Variants in TPTE2 observed in about 807,000 individuals in gnomAD.
TPTE2 encodes the protein transmembrane phosphoinositide 3-phosphatase and tensin homolog 2.
A neutral mutation model predicts 78.6 loss-of-function variants in TPTE2; 53 were observed. The ratio of observed to expected loss-of-function variants is 0.67; its 90% CI spans 0.54 to 0.85. The LOEUF is 0.85. Ranked by LOEUF, TPTE2 falls within the 40% of genes least tolerant of loss-of-function variation. The probability of loss-of-function intolerance (pLI) is 0.00; values close to 1 mark genes in which losing one functional copy is unlikely to be tolerated. For missense variants in TPTE2, 461 were observed against 623.0 expected, an observed-to-expected ratio of 0.74 and a Z score of 2.77; for synonymous variants, 175 against 206.2, an observed-to-expected ratio of 0.85 and a Z score of 1.30.
At chr13:19,461,022 G>A (rs1878855842) in intron 10 of TPTE2, among the ~76,000 whole-genome samples, 1 of 150,284 alleles carries the variant, frequency 6.7e-6, no homozygotes, top group African/African-American at 2.5e-5. Context: ...AAGAGTTGGA[G>A]TTTATTTTCT....
chr13:19,544,060 C>CAAAAAAAAAAA, the TPTE2 span, among the ~76,000 whole-genome samples: 13 of 31,984 alleles, frequency 4.1e-4, 1 homozygote, highest in Admixed American at 6.6e-4. Context: ...GAACCTGTCT[C>CAAAAAAAAAAA]AAAAAAAAAA....
intron 1 of TPTE2, among the ~76,000 whole-genome samples, chr13:19,509,905 G>A (rs1236990061): frequency 6.6e-6 from 1 of 152,154 alleles, no homozygotes; most frequent in African/African-American, 2.4e-5. Context: ...CTACCATTGG[G>A]AGAAAAATGA....
chr13:19,436,084 G>A, intron 15 of TPTE2, 142 bp downstream of exon 18: 1 of 640,988 alleles, frequency 1.6e-6, no homozygotes, highest in East Asian at 2.9e-5. Flanking sequence ...CAGACTCAGG[G>A]AGGGACCAAG....
At chr13:19,468,923 C>T (rs1488378684) in intron 6 of TPTE2, among the ~76,000 whole-genome samples, 1 of 152,162 alleles carries the variant, frequency 6.6e-6, no homozygotes, top group Admixed American at 6.5e-5. Flanking sequence ...GGTTATTAAT[C>T]CCTTTTCAGA....
At chr13:19,457,614 C>A (rs1205181969) in intron 10 of TPTE2, among the ~76,000 whole-genome samples, 1 of 151,642 alleles carries the variant, frequency 6.6e-6, no homozygotes, top group Non-Finnish European at 1.5e-5. Flanking sequence ...TAAGTGAGAA[C>A]ATGCGATGTT....
At chr13:19,547,427 G>A in the TPTE2 span, among the ~76,000 whole-genome samples, 6 of 152,168 alleles carry the variant, frequency 3.9e-5, no homozygotes, top group Non-Finnish European at 7.4e-5. Flanking sequence ...TTACATAATC[G>A]GTTGGAGTGG....
intron 1 of TPTE2, among the ~76,000 whole-genome samples, chr13:19,522,359 G>A (rs76213048): frequency 0.025 from 3,857 of 152,222 alleles, 130 homozygotes; most frequent in African/African-American, 0.074. Flanking sequence ...TATAGGCTGA[G>A]GTTGCTAACA....
chr13:19,535,664 A>G lies in TPTE2; in HGVS notation c.-44+932T>C, dbSNP rs1871175101. ...TTTATTTATTTTGAGACGGAGTCTCACTCTGTCACCAGGCTGGAGTGCAAT... is the reference window on the plus strand; with the variant it reads ...TTTATTTATTTTGAGACGGAGTCTCGCTCTGTCACCAGGCTGGAGTGCAAT... On this transcript the variant is annotated intron_variant, in intron 1 of 17. Coordinates refer to the TPTE2 transcript ENST00000390680. This position sits in a 1 kb window ranked among gnomAD's most constrained non-coding sequence, Gnocchi z 5.1. Among the ~76,000 whole-genome samples the G allele has an allele frequency of 1.8e-5, 1 of 56,646 alleles. No individual in the cohort carries two copies. 37.2% of individuals were successfully genotyped at this position (56,646 alleles called of 152,430 possible).
intron 3 of TPTE2, among the ~76,000 whole-genome samples, chr13:19,487,992 G>A (rs974983818): frequency 3.9e-5 from 6 of 152,200 alleles, no homozygotes; most frequent in African/African-American, 1.2e-4. Flanking sequence ...CCTTCACCCT[G>A]CAATGAGAAG....
intron 1 of TPTE2, among the ~76,000 whole-genome samples, chr13:19,509,032 T>A (rs1869256713): frequency 6.6e-6 from 1 of 152,166 alleles, no homozygotes; most frequent in Admixed American, 6.5e-5. Context: ...AAATTATACA[T>A]TACTGAATAC....
At chr13:19,427,296 A>G (rs2497224) in intron 17 of TPTE2, among the ~76,000 whole-genome samples, 142,703 of 151,428 alleles carry the variant, frequency 0.94, 67,835 homozygotes, top group East Asian at 1. Context: ...TGTTGGCCAG[A>G]ATGGTCTCGA....
chr13:19,502,339 A>G (rs1326019641), intron 1 of TPTE2, among the ~76,000 whole-genome samples: 1 of 151,348 alleles, frequency 6.6e-6, no homozygotes, highest in Non-Finnish European at 1.5e-5. Flanking sequence ...CTATAAAGAC[A>G]CATGCACACG....
At chr13:19,426,843 T>G (rs1011434231) in intron 17 of TPTE2, among the ~76,000 whole-genome samples, 1 of 151,870 alleles carries the variant, frequency 6.6e-6, no homozygotes, top group Non-Finnish European at 1.5e-5. Flanking sequence ...TAGCTGGGAC[T>G]ATAGGCACAA....
the TPTE2 span, among the ~76,000 whole-genome samples, chr13:19,555,937 C>A: frequency 1.3e-5 from 2 of 151,024 alleles, no homozygotes; most frequent in Non-Finnish European, 2.9e-5. Flanking sequence ...CTCAGCCTCC[C>A]GAGTAGCTGG....
chr13:19,455,745 G>T (rs1285730196), intron 10 of TPTE2, among the ~76,000 whole-genome samples: 1 of 152,096 alleles, frequency 6.6e-6, no homozygotes, highest in African/African-American at 2.4e-5. Context: ...AATAAAAAAG[G>T]TTGGTTTAAC....
At chr13:19,453,022 G>GTTATT (rs59650537) in intron 10 of TPTE2, among the ~76,000 whole-genome samples, 2 of 17,940 alleles carry the variant, frequency 1.1e-4, no homozygotes, top group Non-Finnish European at 2.2e-4. Flanking sequence ...GTTATTTTAT[G>GTTATT]TTATTTTATT....
chr13:19,489,964 G>C (rs1343758011), intron 3 of TPTE2, among the ~76,000 whole-genome samples: 2 of 152,038 alleles, frequency 1.3e-5, no homozygotes, highest in Non-Finnish European at 2.9e-5. Context: ...ATACTTTTCT[G>C]GTTGAAGTTA....
intron 10 of TPTE2, 99 bp downstream of exon 13, chr13:19,464,357 T>C (rs1879124511): frequency 1.8e-5 from 22 of 1,224,218 alleles, no homozygotes; most frequent in Non-Finnish European, 2.4e-5. Context: ...AAGAGTACAT[T>C]TTTAAAAGAA....
chr13:19,512,528 A>T (rs1315489988), intron 1 of TPTE2, among the ~76,000 whole-genome samples: 1 of 152,100 alleles, frequency 6.6e-6, no homozygotes, highest in African/African-American at 2.4e-5. Context: ...GATATCACAC[A>T]TGCTTAGTAA....
Sources: gnomAD v4.1 joint callset for allele counts (sites outside exome capture counted in the v4.1 genomes callset) on GRCh38, gnomAD v4.1.1 for gene constraint, Gnocchi (gnomAD v3.1) non-coding constraint, MANE v1.5 for transcripts, NCBI Gene and HGNC (gene_info 2026-07-23, HGNC 2026-07-21) for gene names.